The following NLGN1 variants were observed in gnomAD, a reference collection of about 807,000 sequenced individuals.
The protein encoded by NLGN1 is neuroligin-1.
In NLGN1, 12 loss-of-function variants were observed where a neutral mutation model predicts 65.5. That is an observed-to-expected ratio of 0.18 (90% CI 0.12 to 0.30). NLGN1 has a LOEUF of 0.30. Among genes scored for constraint, NLGN1 ranks in the 10% least tolerant of loss-of-function variants. The pLI is 1.00. For synonymous variants in NLGN1, 350 were observed against 359.5 expected, an observed-to-expected ratio of 0.97 and a Z score of 0.30; for missense variants, 750 against 1,007.1, an observed-to-expected ratio of 0.74 and a Z score of 3.46.
At chr3:173,434,607 A>T (rs1366797357) in intron 1 of NLGN1, among the ~76,000 whole-genome samples, 1 of 152,212 alleles carries the variant, frequency 6.6e-6, no homozygotes, top group African/African-American at 2.4e-5. Flanking sequence ...TTTCAGAATA[A>T]GCTGTTGATG....
chr3:174,045,162 A>G (rs1733275100), intron 4 of NLGN1, among the ~76,000 whole-genome samples: 1 of 152,166 alleles, frequency 6.6e-6, no homozygotes, highest in African/African-American at 2.4e-5. Flanking sequence ...CCCAGTAACA[A>G]TTGACTGTGT....
At chr3:173,789,429 C>T (rs906883500) in intron 3 of NLGN1, among the ~76,000 whole-genome samples, 1 of 152,114 alleles carries the variant, frequency 6.6e-6, no homozygotes, top group Admixed American at 6.5e-5. Flanking sequence ...CGTGAAAAGC[C>T]TTTGCAGAGC....
At chr3:174,117,477 C>A (rs1424696217) in intron 4 of NLGN1, among the ~76,000 whole-genome samples, 1 of 151,908 alleles carries the variant, frequency 6.6e-6, no homozygotes, top group Non-Finnish European at 1.5e-5. Flanking sequence ...AAAAATTAGC[C>A]AGGCGCAGTG....
intron 3 of NLGN1, among the ~76,000 whole-genome samples, chr3:173,793,783 T>C (rs971812084): frequency 6.6e-6 from 1 of 152,108 alleles, no homozygotes; most frequent in Non-Finnish European, 1.5e-5. Context: ...GGCTTCTATA[T>C]AAAATATTCC....
intron 3 of NLGN1, among the ~76,000 whole-genome samples, chr3:173,629,580 A>G (rs1755357197): frequency 6.6e-6 from 1 of 152,192 alleles, no homozygotes; most frequent in Admixed American, 6.6e-5. Context: ...TTGAATGAAG[A>G]TCTAGGTAAC....
intron 4 of NLGN1, among the ~76,000 whole-genome samples, chr3:173,888,535 A>AT (rs1560566537): frequency 6.6e-6 from 1 of 152,074 alleles, no homozygotes; most frequent in Non-Finnish European, 1.5e-5. Flanking sequence ...GAACTTGCAG[A>AT]TACAGAGGCC....
chr3:173,668,563 T>C (rs1762028862), intron 3 of NLGN1, among the ~76,000 whole-genome samples: 1 of 152,024 alleles, frequency 6.6e-6, no homozygotes. Context: ...TTCAGTGTTG[T>C]GGCCATGGAC....
intron 4 of NLGN1, among the ~76,000 whole-genome samples, chr3:173,893,689 T>G (rs1271866613): frequency 6.6e-6 from 1 of 152,208 alleles, no homozygotes; most frequent in Non-Finnish European, 1.5e-5. Context: ...TAATTATTAT[T>G]GCATGGGCTC....
At chr3:174,150,388 T>A (rs1413539951) in intron 4 of NLGN1, among the ~76,000 whole-genome samples, 1 of 152,070 alleles carries the variant, frequency 6.6e-6, no homozygotes, top group African/African-American at 2.4e-5. Context: ...ATAAATTATA[T>A]GTTGTGGGGG....
At chr3:174,154,722 T>C (rs1724999040) in intron 4 of NLGN1, among the ~76,000 whole-genome samples, 1 of 151,338 alleles carries the variant, frequency 6.6e-6, no homozygotes, top group South Asian at 2.1e-4. Flanking sequence ...ATTGTGTGTG[T>C]GTATATGTAG....
intron 4 of NLGN1, among the ~76,000 whole-genome samples, chr3:174,056,581 C>G: frequency 6.6e-6 from 1 of 151,978 alleles, no homozygotes; most frequent in African/African-American, 2.4e-5. Flanking sequence ...AAGTTTGTAT[C>G]ATGGAAGTTC....
intron 4 of NLGN1, among the ~76,000 whole-genome samples, chr3:174,212,223 C>A (rs763866850): frequency 6.6e-6 from 1 of 152,216 alleles, no homozygotes; most frequent in Non-Finnish European, 1.5e-5. Flanking sequence ...GGGTGCTAAG[C>A]CCCTCACTGT....
At chr3:173,700,862 A>G (rs1039019606) in intron 3 of NLGN1, among the ~76,000 whole-genome samples, 3 of 152,226 alleles carry the variant, frequency 2.0e-5, no homozygotes, top group Non-Finnish European at 4.4e-5. Flanking sequence ...ACGGTGGCTC[A>G]AGCCTGTAAT....
chr3:173,906,056 C>A (rs1297662099), intron 4 of NLGN1, among the ~76,000 whole-genome samples: 1 of 152,142 alleles, frequency 6.6e-6, no homozygotes. Context: ...CCAATAAATT[C>A]TCTTTAATTT....
At chr3:173,892,016 A>C (rs1735434990) in intron 4 of NLGN1, among the ~76,000 whole-genome samples, 3 of 152,138 alleles carry the variant, frequency 2.0e-5, no homozygotes, top group African/African-American at 7.2e-5. Context: ...GAAAAATAAC[A>C]ATCACCTGAA....
chr3:174,241,648 A>G (rs1405504947), intron 4 of NLGN1, among the ~76,000 whole-genome samples: 1 of 148,634 alleles, frequency 6.7e-6, no homozygotes, highest in Non-Finnish European at 1.5e-5. Context: ...CATCCAACAT[A>G]TCTTTTTTTT....
chr3:173,931,404 G>T (rs1473659076), intron 4 of NLGN1, among the ~76,000 whole-genome samples: 1 of 152,132 alleles, frequency 6.6e-6, no homozygotes, highest in Non-Finnish European at 1.5e-5. Flanking sequence ...GGGGGCTTGG[G>T]TCCCTATTTT....
intron 4 of NLGN1, among the ~76,000 whole-genome samples, chr3:173,978,652 A>C (rs1020026043): frequency 1.3e-5 from 2 of 151,904 alleles, no homozygotes; most frequent in Non-Finnish European, 2.9e-5. Flanking sequence ...CAAGGGAAGA[A>C]AAGCATTCAA....
intron 3 of NLGN1, chr3:173,685,762 G>C: frequency 1.0e-6 from 1 of 985,388 alleles, no homozygotes; most frequent in Non-Finnish European, 1.2e-6. Context: ...AGCATGTGCT[G>C]GGGCTTTTTG....
Sources: allele counts gnomAD v4.1 joint callset (sites outside exome capture counted in the v4.1 genomes callset), GRCh38; gene constraint gnomAD v4.1.1; transcripts MANE v1.5; gene names NCBI Gene and HGNC (gene_info 2026-07-23, HGNC 2026-07-21).